Variants in CNTN4 observed in about 807,000 individuals in gnomAD.
CNTN4 encodes the protein contactin-4.
A neutral mutation model predicts 122.5 loss-of-function variants in CNTN4; 77 were observed. The observed-to-expected ratio is 0.63, with a 90% confidence interval of 0.52 to 0.76. CNTN4 has a LOEUF of 0.76. CNTN4 is among the 30% of genes least tolerant of loss of function. CNTN4 has a pLI of 0.00. For missense variants in CNTN4, 1,256 were observed against 1,259.1 expected (o/e 1.00, Z 0.04); for synonymous variants, 512 against 447.0 (o/e 1.15, Z -1.83).
intron 6 of CNTN4, among the ~76,000 whole-genome samples, chr3:2,770,889 C>G (rs1313188457): frequency 6.6e-6 from 1 of 152,166 alleles, no homozygotes; most frequent in Non-Finnish European, 1.5e-5. Context: ...CAATGCATAT[C>G]CAGGTGATAG....
At chr3:2,362,549 G>T in intron 3 of CNTN4, 1 of 601,672 alleles carries the variant, frequency 1.7e-6, no homozygotes, top group South Asian at 1.4e-5. Flanking sequence ...CCCATTCCTC[G>T]GATTAACCAG....
At chr3:2,576,002 T>A (rs1422241304) in intron 4 of CNTN4, among the ~76,000 whole-genome samples, 2 of 151,498 alleles carry the variant, frequency 1.3e-5, no homozygotes, top group African/African-American at 2.4e-5. Context: ...GCCTGGCTAA[T>A]TTTTTTGTAT....
intron 2 of CNTN4, among the ~76,000 whole-genome samples, chr3:2,100,990 G>A (rs2031900679): frequency 6.6e-6 from 1 of 152,122 alleles, no homozygotes; most frequent in Non-Finnish European, 1.5e-5. Flanking sequence ...TTTCAACAGA[G>A]GTAGATTTTC....
chr3:2,852,754 C>A (rs932885001), intron 7 of CNTN4, among the ~76,000 whole-genome samples: 2 of 152,038 alleles, frequency 1.3e-5, no homozygotes, highest in Admixed American at 1.3e-4. Flanking sequence ...GATACTTGAC[C>A]GGTTATAAAT....
intron 2 of CNTN4, among the ~76,000 whole-genome samples, chr3:2,154,860 C>T (rs139346702): frequency 5.5e-4 from 83 of 152,100 alleles, no homozygotes; most frequent in African/African-American, 1.8e-3. Flanking sequence ...GCCAGAAATA[C>T]GGAGGAAATG....
At chr3:2,257,358 C>T (rs939459068) in intron 2 of CNTN4, among the ~76,000 whole-genome samples, 1 of 152,170 alleles carries the variant, frequency 6.6e-6, no homozygotes, top group Non-Finnish European at 1.5e-5. Context: ...CTAGGCAATA[C>T]CATCTAGGAC....
chr3:2,904,717 G>A (rs2094210860), intron 12 of CNTN4, among the ~76,000 whole-genome samples: 1 of 152,182 alleles, frequency 6.6e-6, no homozygotes, highest in Admixed American at 6.5e-5. Context: ...AGTTCACCAT[G>A]GCAGGATTGC....
At position 2,410,533 on chromosome 3, in the gene CNTN4, G is replaced by A. The variant is rs190064044; in HGVS notation, c.-89+71300G>A. Among the ~76,000 whole-genome samples the A allele has an allele frequency of 1.6e-3, 236 of 152,248 alleles. No homozygotes were observed. The South Asian group carries it at 0.016, about 10-fold the overall frequency. On this transcript the variant is annotated intron_variant, in intron 3 of 24. Coordinates refer to ENST00000418658, the MANE Select transcript of CNTN4 (RefSeq NM_175607.3). ...CATTTTATCCTCTCAGAGGATATTT[G>A]AAGATAACTTTTTTATTATCCTATT...
chr3:3,014,002 C>G (rs994303798), intron 14 of CNTN4, among the ~76,000 whole-genome samples: 3 of 150,982 alleles, frequency 2.0e-5, no homozygotes, highest in Non-Finnish European at 4.4e-5. Flanking sequence ...TGAATACATT[C>G]CTGTAAACTT....
intron 7 of CNTN4, among the ~76,000 whole-genome samples, chr3:2,822,232 G>A (rs987537654): frequency 1.3e-5 from 2 of 152,124 alleles, no homozygotes; most frequent in Non-Finnish European, 2.9e-5. Context: ...TTGGACTCTG[G>A]GATATGAGTT....
At chr3:2,362,448 A>C (rs1172630520) in intron 3 of CNTN4, 2 of 410,344 alleles carry the variant, frequency 4.9e-6, no homozygotes, top group Non-Finnish European at 9.5e-6. Flanking sequence ...ATCGCCTCCC[A>C]GCCTACATCC....
At chr3:2,981,318 C>T (rs1019210637) in intron 13 of CNTN4, among the ~76,000 whole-genome samples, 1 of 151,762 alleles carries the variant, frequency 6.6e-6, no homozygotes, top group Admixed American at 6.6e-5. Context: ...GTGGCGGGCG[C>T]CTGTAGTCCC....
At chr3:2,728,187 C>G (rs1241705305) in intron 4 of CNTN4, among the ~76,000 whole-genome samples, 3 of 152,222 alleles carry the variant, frequency 2.0e-5, no homozygotes, top group African/African-American at 7.2e-5. Context: ...AATTCTTGCA[C>G]TCAGGAAAAT....
rs557165131 is a variant in CNTN4, at chr3:2,809,708, G to T, written c.359-9778G>T. On this transcript the variant is annotated intron_variant, in intron 6 of 24. Transcript: ENST00000418658. ...AAATGCTGGTAATAATAGCTTGCAT[G>T]TTAGGGCACCCGTCTCCGAAGGAGA... is the stretch of plus-strand genomic sequence containing the variant. Among the ~76,000 whole-genome samples, 6 of 152,302 alleles carry T rather than the reference G, an allele frequency of 3.9e-5. No homozygotes were observed. The East Asian group carries it at 1.2e-3, about 29-fold the overall frequency.
intron 7 of CNTN4, among the ~76,000 whole-genome samples, chr3:2,862,442 T>A (rs1171954580): frequency 1.3e-5 from 2 of 152,238 alleles, no homozygotes; most frequent in Non-Finnish European, 1.5e-5. Flanking sequence ...ATTTGGATGC[T>A]GCAAACCAAA....
chr3:2,957,285 C>T (rs1045662025), intron 13 of CNTN4, among the ~76,000 whole-genome samples: 2 of 152,076 alleles, frequency 1.3e-5, no homozygotes, highest in African/African-American at 4.8e-5. Context: ...TTTTCCACAC[C>T]CTAGTCAATG....
At chr3:2,503,759 G>T (rs1390162835) in intron 3 of CNTN4, among the ~76,000 whole-genome samples, 1 of 152,044 alleles carries the variant, frequency 6.6e-6, no homozygotes, top group Non-Finnish European at 1.5e-5. Context: ...TATTTACATA[G>T]ATAGGAAAAA....
At chr3:2,293,335 C>T (rs2042198752) in intron 2 of CNTN4, among the ~76,000 whole-genome samples, 1 of 152,188 alleles carries the variant, frequency 6.6e-6, no homozygotes, top group African/African-American at 2.4e-5. Context: ...CAGTGCCAGA[C>T]ACATAGTAAT....
chr3:2,441,178 G>A (rs1262532878), intron 3 of CNTN4, among the ~76,000 whole-genome samples: 1 of 152,006 alleles, frequency 6.6e-6, no homozygotes, highest in Admixed American at 6.6e-5. Context: ...ATGAGTTGCT[G>A]CATTTTACCT....
Sources: allele counts gnomAD v4.1 joint callset (sites outside exome capture counted in the v4.1 genomes callset), GRCh38; gene constraint gnomAD v4.1.1; transcripts MANE v1.5; gene names NCBI Gene and HGNC (gene_info 2026-07-23, HGNC 2026-07-21).